The following RALGPS1 variants were observed in gnomAD, a reference collection of about 807,000 sequenced individuals.
RALGPS1 encodes ras-specific guanine nucleotide-releasing factor RalGPS1.
A neutral mutation model predicts 78.8 loss-of-function variants in RALGPS1; 19 were observed. The ratio of observed to expected loss-of-function variants is 0.24; its 90% CI spans 0.17 to 0.35. The LOEUF (loss-of-function observed/expected upper bound fraction) is 0.35. RALGPS1 is among the 10% of genes least tolerant of loss of function. The pLI is 1.00. For missense variants in RALGPS1, 454 were observed against 688.3 expected (o/e 0.66, Z 3.81); for synonymous variants, 228 against 256.3 (o/e 0.89, Z 1.06).
intron 13 of RALGPS1, among the ~76,000 whole-genome samples, chr9:127,197,130 T>C (rs147825700): frequency 1.2e-4 from 18 of 152,126 alleles, no homozygotes; most frequent in Non-Finnish European, 2.4e-4. Context: ...AGGGATGAAA[T>C]TGCATCACTG....
At chr9:127,053,115 T>C (rs62580847) in intron 7 of RALGPS1, among the ~76,000 whole-genome samples, 176 bp downstream of exon 7, 3,590 of 152,300 alleles carry the variant, frequency 0.024, 46 homozygotes, top group Middle Eastern at 0.048. Flanking sequence ...CAGCCCCATT[T>C]TGGCACCAGG....
intron 8 of RALGPS1, among the ~76,000 whole-genome samples, chr9:127,080,063 G>A (rs900903048): frequency 2.0e-5 from 3 of 152,216 alleles, no homozygotes; most frequent in Non-Finnish European, 4.4e-5. Flanking sequence ...GAGGTGGGGG[G>A]ATTCGATAGG....
chr9:127,196,709 CTG>C, intron 13 of RALGPS1, 78 bp downstream of exon 13: 1 of 1,456,088 alleles, frequency 6.9e-7, no homozygotes, highest in Non-Finnish European at 9.2e-7. Context: ...CTCTGTGTCA[CTG>C]TGCCATGCCC....
At chr9:127,045,217 C>T (rs1459545062) in intron 5 of RALGPS1, among the ~76,000 whole-genome samples, 4 of 152,118 alleles carry the variant, frequency 2.6e-5, no homozygotes, top group African/African-American at 9.7e-5. Flanking sequence ...CTTGAGGGAT[C>T]AGTGTAACAC....
In RALGPS1 at chr9:127,218,143, T is replaced by C. The variant is rs1362845018; in HGVS notation, c.1645-597T>C. On this transcript the variant is annotated intron_variant, in intron 18 of 18. Coordinates refer to ENST00000259351, the MANE Select transcript of RALGPS1 (RefSeq NM_014636.3). This position sits in a 1 kb window ranked among gnomAD's most constrained non-coding sequence, Gnocchi z 4.4. ...GAGGAGGTCTGGGGCTGAGGACCTG[T>C]TGGCAGCTTTTGGGGGTGGCAGAAA... Among the ~76,000 whole-genome samples the C allele has an allele frequency of 6.6e-6, 1 of 152,142 alleles. No individual in the cohort carries two copies. Among genetic ancestry groups the C allele is most frequent in the Non-Finnish European group, 1.5e-5 (1 of 68,006 alleles).
intron 1 of RALGPS1, among the ~76,000 whole-genome samples, chr9:126,955,512 T>C (rs977700126): frequency 2.0e-5 from 3 of 152,178 alleles, no homozygotes; most frequent in African/African-American, 7.2e-5. Context: ...GAAATTACGG[T>C]AGTTATTAGA....
chr9:127,026,989 A>G (rs2046014213), intron 4 of RALGPS1, among the ~76,000 whole-genome samples: 1 of 152,156 alleles, frequency 6.6e-6, no homozygotes, highest in Non-Finnish European at 1.5e-5. Flanking sequence ...TGTCCAGTAC[A>G]CTGACCTTTC....
In RALGPS1 at chr9:127,166,192, T is replaced by C; in HGVS notation, c.734T>C (p.Val245Ala). 1.9e-6 allele frequency: 3 copies of C among 1,613,464 alleles called. No homozygotes were observed. Among genetic ancestry groups the C allele is most frequent in the Non-Finnish European group, 2.5e-6 (3 of 1,179,864 alleles). The change falls in exon 9 of 19, where the codon GTT becomes GCT. Residue 245 changes from valine (V) to alanine (A), a missense_variant. By Grantham distance (64) the Val-to-Ala change is moderately conservative. Coordinates refer to ENST00000259351, the MANE Select transcript of RALGPS1 (RefSeq NM_014636.3). Reference protein sequence around the residue: ...NILRIIADLQVSCSYDHLTTL... With the variant: ...NILRIIADLQASCSYDHLTTL... Reference sequence around the variant, plus strand: ...CTTCGAATAATTGCTGATTTACAAGTTTCCTGCAGCTATGGTTAGTACCCT... The same window carrying C: ...CTTCGAATAATTGCTGATTTACAAGCTTCCTGCAGCTATGGTTAGTACCCT...
intron 5 of RALGPS1, among the ~76,000 whole-genome samples, chr9:127,037,751 A>G (rs141249097): frequency 6.6e-6 from 1 of 152,364 alleles, no homozygotes; most frequent in African/African-American, 2.4e-5. Flanking sequence ...CTGCTTTTTC[A>G]GTAGCTCTAT....
chr9:127,047,588 A>G (rs1007664851), intron 5 of RALGPS1, among the ~76,000 whole-genome samples: 7 of 152,038 alleles, frequency 4.6e-5, no homozygotes, highest in Admixed American at 3.9e-4. Flanking sequence ...AATCCCAGCT[A>G]CTAAGGAGGC....
chr9:127,021,815 G>A (rs958548523), intron 4 of RALGPS1, among the ~76,000 whole-genome samples: 2 of 152,066 alleles, frequency 1.3e-5, no homozygotes, highest in South Asian at 2.1e-4. Context: ...CTCTCAGTCC[G>A]CTAATCGGGC....
intron 1 of RALGPS1, among the ~76,000 whole-genome samples, chr9:126,938,702 G>A (rs1211565797): frequency 1.3e-5 from 2 of 152,252 alleles, no homozygotes; most frequent in Non-Finnish European, 2.9e-5. Context: ...CATGGAAGCT[G>A]TGGGTGGCCA....
At chr9:127,071,878 A>G (rs2050232707) in intron 8 of RALGPS1, among the ~76,000 whole-genome samples, 1 of 152,220 alleles carries the variant, frequency 6.6e-6, no homozygotes, top group African/African-American at 2.4e-5. Context: ...AGTAATAATC[A>G]CAGTTGTGCA....
intron 3 of RALGPS1, among the ~76,000 whole-genome samples, chr9:126,973,833 G>A (rs942815638): frequency 2.0e-5 from 3 of 152,088 alleles, no homozygotes; most frequent in African/African-American, 7.2e-5. Flanking sequence ...CCTCATGTAA[G>A]TGGAGTCATA....
At chr9:126,941,529 C>CT (rs1259079132) in intron 1 of RALGPS1, among the ~76,000 whole-genome samples, 1 of 152,110 alleles carries the variant, frequency 6.6e-6, no homozygotes, top group Non-Finnish European at 1.5e-5. Flanking sequence ...CTCTGCTTTA[C>CT]TTTTTTCTTT....
Position 127,091,764 on chromosome 9 carries a change from C to G in RALGPS1, c.610+22408C>G, listed in dbSNP as rs774784891. On this transcript the variant is annotated intron_variant, in intron 8 of 18. Transcript: ENST00000259351. The surrounding 1 kb of genome is among the most constrained non-coding windows in gnomAD (Gnocchi z 4.3). ...CCGCATTGCCATGGTAGCGCCCCAG[C>G]CGCAGCTTATAATACTCGCTCTCAG... The G allele has an allele frequency of 6.2e-7, 1 of 1,614,162 alleles. No homozygotes were observed.
intron 3 of RALGPS1, among the ~76,000 whole-genome samples, chr9:126,971,354 T>C (rs1020837711): frequency 4.8e-5 from 7 of 147,256 alleles, no homozygotes; most frequent in African/African-American, 1.5e-4. Context: ...AAATGGTCAA[T>C]ACTAAAGACA....
chr9:127,137,414 A>T (rs936817172), intron 8 of RALGPS1, among the ~76,000 whole-genome samples: 1 of 152,208 alleles, frequency 6.6e-6, no homozygotes, highest in Non-Finnish European at 1.5e-5. Context: ...CCTGAGCCAC[A>T]TGGAGAGGCT....
intron 1 of RALGPS1, among the ~76,000 whole-genome samples, chr9:126,939,528 C>T (rs1190708083): frequency 6.6e-6 from 1 of 152,228 alleles, no homozygotes; most frequent in Non-Finnish European, 1.5e-5. Context: ...TACTCCTGAG[C>T]ACCAGCTGTT....
Sources: gnomAD v4.1 joint callset for allele counts (sites outside exome capture counted in the v4.1 genomes callset) on GRCh38, gnomAD v4.1.1 for gene constraint, Gnocchi (gnomAD v3.1) non-coding constraint, MANE v1.5 for transcripts, NCBI Gene and HGNC (gene_info 2026-07-23, HGNC 2026-07-21) for gene names.